Variants in KCNQ5 observed in about 807,000 individuals in gnomAD.
KCNQ5 encodes the protein potassium voltage-gated channel subfamily Q member 5.
KCNQ5 carries 30 observed loss-of-function variants against 98.2 expected under a neutral mutation model. The observed-to-expected ratio is 0.31, with a 90% CI of 0.23 to 0.41. KCNQ5 has a LOEUF of 0.41. KCNQ5 is among the 10% of genes least tolerant of loss of function. The probability of loss-of-function intolerance (pLI) is 1.00; values close to 1 mark genes in which losing one functional copy is unlikely to be tolerated. For synonymous variants in KCNQ5, 458 were observed against 449.4 expected, an observed-to-expected ratio of 1.02 and a Z score of -0.24; for missense variants, 835 against 1,182.5, an observed-to-expected ratio of 0.71 and a Z score of 4.31.
chr6:73,113,806 C>T (rs1935543), intron 7 of KCNQ5, among the ~76,000 whole-genome samples: 145,870 of 152,398 alleles, frequency 0.96, 69,806 homozygotes, highest in South Asian at 0.98. Flanking sequence ...ACAGTTTTAC[C>T]TGGAGGCCTA....
intron 1 of KCNQ5, among the ~76,000 whole-genome samples, chr6:72,816,086 GA>G (rs58719522): frequency 0.16 from 24,348 of 152,144 alleles, 3,586 homozygotes; most frequent in African/African-American, 0.39. Context: ...TGAATGGCAA[GA>G]AATGAGGTGA....
intron 3 of KCNQ5, among the ~76,000 whole-genome samples, chr6:73,051,170 T>C (rs1458460352): frequency 6.6e-6 from 1 of 152,216 alleles, no homozygotes; most frequent in Non-Finnish European, 1.5e-5. Context: ...AACATGTGCA[T>C]GGAGGTCAGC....
At chr6:73,071,445 T>G (rs1478521589) in intron 3 of KCNQ5, among the ~76,000 whole-genome samples, 1 of 152,216 alleles carries the variant, frequency 6.6e-6, no homozygotes, top group East Asian at 1.9e-4. Context: ...AATTCATTAA[T>G]AAGTGTCTTA....
intron 1 of KCNQ5, among the ~76,000 whole-genome samples, chr6:72,829,285 A>T (rs1776133359): frequency 6.6e-6 from 1 of 152,198 alleles, no homozygotes; most frequent in Admixed American, 6.5e-5. Context: ...TCAAGACAGA[A>T]AATGAATTTA....
At chr6:72,908,429 G>T (rs1438877920) in intron 1 of KCNQ5, among the ~76,000 whole-genome samples, 1 of 152,058 alleles carries the variant, frequency 6.6e-6, no homozygotes, top group African/African-American at 2.4e-5. Flanking sequence ...TAACTCTTTT[G>T]CTATCTATAT....
chr6:73,032,135 T>C (rs1034348121), intron 2 of KCNQ5, among the ~76,000 whole-genome samples: 2 of 152,212 alleles, frequency 1.3e-5, no homozygotes, highest in African/African-American at 4.8e-5. Flanking sequence ...GGCTGACATG[T>C]ACTAATTTCT....
chr6:73,024,480 G>C (rs1267033347), intron 2 of KCNQ5, among the ~76,000 whole-genome samples: 1 of 150,040 alleles, frequency 6.7e-6, no homozygotes, highest in Non-Finnish European at 1.5e-5. Flanking sequence ...GAAGGCAAAA[G>C]AGAAGAATTA....
At chr6:72,902,244 A>C (rs1289286867) in intron 1 of KCNQ5, among the ~76,000 whole-genome samples, 1 of 152,092 alleles carries the variant, frequency 6.6e-6, no homozygotes, top group African/African-American at 2.4e-5. Flanking sequence ...CTTTCTGGAG[A>C]AGTCTTTAGG....
intron 1 of KCNQ5, among the ~76,000 whole-genome samples, chr6:72,880,798 T>A (rs1408112515): frequency 6.6e-6 from 1 of 152,202 alleles, no homozygotes; most frequent in Non-Finnish European, 1.5e-5. Context: ...TATATTATCT[T>A]GGATATTATA....
chr6:73,042,013 A>G lies in KCNQ5; in HGVS notation c.567A>G (p.Arg189=). 1.9e-6 allele frequency: 3 copies of G among 1,613,936 alleles called. No homozygotes were observed. The highest frequency in any genetic ancestry group is 2.5e-6 in the Non-Finnish European group (3 of 1,179,834). ...CTGCGGGTTGCTGTTGTCGATATAGAGGATGGCAAGGAAGACTGAGGTTTG... is the reference window on the plus strand; with the variant it reads ...CTGCGGGTTGCTGTTGTCGATATAGGGGATGGCAAGGAAGACTGAGGTTTG... ...IWSAGCCCRY[R]GWQGRLRFAR... Residue 189 remains arginine, a synonymous_variant, in exon 3 of 14, where the codon AGA becomes AGG. Transcript: ENST00000370398.
chr6:72,650,131 C>G (rs1057324221), intron 1 of KCNQ5, among the ~76,000 whole-genome samples: 1 of 152,084 alleles, frequency 6.6e-6, no homozygotes, highest in Non-Finnish European at 1.5e-5. Flanking sequence ...GAGATATAAA[C>G]TAAGTTTCCT....
At chr6:72,975,066 C>A (rs577416977) in intron 1 of KCNQ5, among the ~76,000 whole-genome samples, 3 of 152,084 alleles carry the variant, frequency 2.0e-5, no homozygotes, top group African/African-American at 7.2e-5. Context: ...CATCTCCCAG[C>A]GCCATTTAAT....
intron 1 of KCNQ5, among the ~76,000 whole-genome samples, chr6:72,862,493 T>G (rs1777808099): frequency 6.6e-6 from 1 of 152,286 alleles, no homozygotes; most frequent in African/African-American, 2.4e-5. Flanking sequence ...GTAAGTTGCT[T>G]TCAAAAGATT....
chr6:73,070,505 T>G (rs1161931790), intron 3 of KCNQ5, among the ~76,000 whole-genome samples: 1 of 152,206 alleles, frequency 6.6e-6, no homozygotes, highest in Non-Finnish European at 1.5e-5. Flanking sequence ...AGAAGTTTAT[T>G]TCTTACTTGT....
chr6:72,847,695 T>C (rs1282462384), intron 1 of KCNQ5, among the ~76,000 whole-genome samples: 1 of 152,206 alleles, frequency 6.6e-6, no homozygotes, highest in Non-Finnish European at 1.5e-5. Flanking sequence ...GTCAGAAAAG[T>C]ACTAGCTAAT....
At chr6:73,141,216 G>C (rs1403173384) in intron 10 of KCNQ5, among the ~76,000 whole-genome samples, 1 of 152,172 alleles carries the variant, frequency 6.6e-6, no homozygotes, top group Non-Finnish European at 1.5e-5. Flanking sequence ...GGTTCCTCTT[G>C]GGTCTCTTTA....
intron 7 of KCNQ5, among the ~76,000 whole-genome samples, chr6:73,117,863 TTCAAG>T (rs1339329561): frequency 6.6e-6 from 1 of 152,182 alleles, no homozygotes; most frequent in African/African-American, 2.4e-5. Context: ...AGATTAACAT[TTCAAG>T]ATGATGCAAC....
chr6:72,938,768 C>G (rs1766077103), intron 1 of KCNQ5, among the ~76,000 whole-genome samples: 1 of 152,008 alleles, frequency 6.6e-6, no homozygotes, highest in Admixed American at 6.6e-5. Context: ...AGCATGGTTC[C>G]TACCATCAAG....
At chr6:72,869,408 G>A (rs1035125269) in intron 1 of KCNQ5, among the ~76,000 whole-genome samples, 36 of 152,154 alleles carry the variant, frequency 2.4e-4, no homozygotes, top group African/African-American at 8.2e-4. Context: ...TATTAGGTTA[G>A]CATTTAGACA....
Sources: allele counts gnomAD v4.1 joint callset (sites outside exome capture counted in the v4.1 genomes callset), GRCh38; gene constraint gnomAD v4.1.1; transcripts MANE v1.5; gene names NCBI Gene and HGNC (gene_info 2026-07-23, HGNC 2026-07-21).